KCNK2: variants seen among roughly 807,000 people sequenced by gnomAD.
KCNK2 encodes the protein potassium two pore domain channel subfamily K member 2.
KCNK2 carries 21 observed loss-of-function variants against 40.5 expected under a neutral mutation model. That is an observed-to-expected ratio of 0.52 (90% CI 0.37 to 0.75). The LOEUF (loss-of-function observed/expected upper bound fraction) is 0.75, where lower values mean the gene tolerates loss of function less well. Ranked by LOEUF, KCNK2 falls within the 30% of genes least tolerant of loss-of-function variation. KCNK2 has a pLI of 0.00. For missense variants in KCNK2, 399 were observed against 531.6 expected (o/e 0.75, Z 2.45); for synonymous variants, 191 against 202.2 (o/e 0.94, Z 0.47).
chr1:215,122,980 G>A (rs529584244), intron 2 of KCNK2, among the ~76,000 whole-genome samples: 72 of 151,690 alleles, frequency 4.7e-4, no homozygotes, highest in African/African-American at 1.6e-3. Context: ...TCCTGACCTC[G>A]TGATCCACCC....
chr1:215,201,551 T>C (rs1665081139), intron 6 of KCNK2, among the ~76,000 whole-genome samples: 1 of 152,208 alleles, frequency 6.6e-6, no homozygotes, highest in Non-Finnish European at 1.5e-5. Context: ...AGCCATGGCA[T>C]GGAGACCAGT....
intron 6 of KCNK2, among the ~76,000 whole-genome samples, chr1:215,225,240 ATTTT>A: frequency 1.3e-5 from 2 of 152,192 alleles, no homozygotes; most frequent in Middle Eastern, 6.8e-3. Context: ...ATGCAATTTT[ATTTT>A]TTTATCAGTT....
chr1:215,116,961 T>G (rs1332139477), intron 2 of KCNK2, among the ~76,000 whole-genome samples: 2 of 151,956 alleles, frequency 1.3e-5, no homozygotes, highest in African/African-American at 4.8e-5. Flanking sequence ...CCATTTCTTT[T>G]CTCCACATGA....
At chr1:215,204,335 TG>T (rs1202539347) in intron 6 of KCNK2, among the ~76,000 whole-genome samples, 1 of 151,946 alleles carries the variant, frequency 6.6e-6, no homozygotes. Flanking sequence ...TTTTGATTCA[TG>T]TATTTCACAG....
chr1:215,097,694 A>G (rs2102546683), intron 2 of KCNK2, among the ~76,000 whole-genome samples: 1 of 152,118 alleles, frequency 6.6e-6, no homozygotes, highest in East Asian at 1.9e-4. Context: ...GGATTGTGAA[A>G]GTGATGGTGT....
At chr1:215,010,868 T>TGTG (rs1347136770) in intron 1 of KCNK2, among the ~76,000 whole-genome samples, 4 of 135,726 alleles carry the variant, frequency 2.9e-5, no homozygotes, top group African/African-American at 7.9e-5. Context: ...TTTTTTTTTT[T>TGTG]TGTGTGTGTG....
chr1:215,084,557 A>G (rs981532094), intron 1 of KCNK2, among the ~76,000 whole-genome samples: 3 of 152,196 alleles, frequency 2.0e-5, no homozygotes, highest in Non-Finnish European at 4.4e-5. Context: ...GAGTCTGCAG[A>G]TTATAGTGAT....
intron 3 of KCNK2, among the ~76,000 whole-genome samples, chr1:215,143,900 A>T (rs1360830353): frequency 6.6e-6 from 1 of 152,162 alleles, no homozygotes; most frequent in Non-Finnish European, 1.5e-5. Flanking sequence ...TTTGGAAAAC[A>T]CTTTCTACAA....
intron 1 of KCNK2, among the ~76,000 whole-genome samples, chr1:215,044,795 A>ATGTGTGTG (rs150179184): frequency 0.024 from 3,470 of 145,586 alleles, 57 homozygotes; most frequent in Middle Eastern, 0.05. Flanking sequence ...GGATAAGTGT[A>ATGTGTGTG]TGTGTGTGTG....
chr1:215,048,019 G>A (rs1040068021), intron 1 of KCNK2, among the ~76,000 whole-genome samples: 1 of 152,130 alleles, frequency 6.6e-6, no homozygotes, highest in Non-Finnish European at 1.5e-5. Context: ...AATTTATGGA[G>A]TAACGTCAGT....
chr1:215,148,156 T>A (rs1662518809), intron 3 of KCNK2, among the ~76,000 whole-genome samples: 1 of 141,652 alleles, frequency 7.1e-6, no homozygotes. Context: ...CATGGCTCAC[T>A]GCAGCCTCAA....
At chr1:215,085,547 C>T (rs146848770) in intron 1 of KCNK2, among the ~76,000 whole-genome samples, 136 of 152,290 alleles carry the variant, frequency 8.9e-4, no homozygotes, top group African/African-American at 3.1e-3. Context: ...TAGCTTTGAA[C>T]AGAGCATGTA....
chr1:215,143,924 C>T (rs552837261), intron 3 of KCNK2, among the ~76,000 whole-genome samples: 1 of 152,164 alleles, frequency 6.6e-6, no homozygotes, highest in South Asian at 2.1e-4. Flanking sequence ...AAAATCGTCA[C>T]CTTTGGAAAA....
intron 5 of KCNK2, among the ~76,000 whole-genome samples, chr1:215,175,433 C>T (rs1364122309): frequency 7.0e-6 from 1 of 142,894 alleles, no homozygotes; most frequent in Non-Finnish European, 1.6e-5. Context: ...TTTTTGATAC[C>T]AAATGTCTGC....
At chr1:215,226,391 T>TCA (rs1666386547) in intron 6 of KCNK2, among the ~76,000 whole-genome samples, 1 of 152,204 alleles carries the variant, frequency 6.6e-6, no homozygotes, top group African/African-American at 2.4e-5. Context: ...AGTGGCGTGA[T>TCA]CTCGGCTCAC....
chr1:215,150,946 C>A (rs1376579137), intron 3 of KCNK2, among the ~76,000 whole-genome samples: 1 of 151,828 alleles, frequency 6.6e-6, no homozygotes, highest in Non-Finnish European at 1.5e-5. Flanking sequence ...TAAGAGAATT[C>A]ATCCAGTTGT....
chr1:215,045,607 G>T (rs1352839586), intron 1 of KCNK2, among the ~76,000 whole-genome samples: 1 of 152,074 alleles, frequency 6.6e-6, no homozygotes, highest in East Asian at 1.9e-4. Context: ...ACCCTTGTTT[G>T]GTTTGATAGA....
At chr1:215,075,935 C>T (rs1473583549) in intron 1 of KCNK2, among the ~76,000 whole-genome samples, 3 of 152,190 alleles carry the variant, frequency 2.0e-5, no homozygotes, top group Non-Finnish European at 4.4e-5. Flanking sequence ...TGGCCCACCC[C>T]CCAGGCAAGA....
intron 1 of KCNK2, among the ~76,000 whole-genome samples, chr1:215,051,237 G>A (rs1424219984): frequency 6.6e-6 from 1 of 151,978 alleles, no homozygotes; most frequent in Non-Finnish European, 1.5e-5. Flanking sequence ...CACCATGCAT[G>A]GATCTTAATA....
Sources: gnomAD v4.1 joint callset for allele counts (sites outside exome capture counted in the v4.1 genomes callset) on GRCh38, gnomAD v4.1.1 for gene constraint, MANE v1.5 for transcripts, NCBI Gene and HGNC (gene_info 2026-07-23, HGNC 2026-07-21) for gene names.